The following CLNK variants were observed in gnomAD, a reference collection of about 807,000 sequenced individuals.
CLNK encodes cytokine dependent hematopoietic cell linker.
CLNK carries 74 observed loss-of-function variants against 68.6 expected under a neutral mutation model. That is an observed-to-expected ratio of 1.08 (90% CI 0.89 to 1.31). CLNK has a LOEUF of 1.31. CLNK is among the 50% of genes most tolerant of loss of function. CLNK has a pLI of 0.00. For missense variants in CLNK, 553 were observed against 515.3 expected, an observed-to-expected ratio of 1.07 and a Z score of -0.71; for synonymous variants, 198 against 172.2, an observed-to-expected ratio of 1.15 and a Z score of -1.17.
At chr4:10,544,628 G>A (rs1719157798) in intron 8 of CLNK, among the ~76,000 whole-genome samples, 1 of 152,192 alleles carries the variant, frequency 6.6e-6, no homozygotes, top group African/African-American at 2.4e-5. Flanking sequence ...GACAGCGAGG[G>A]AGCATGTCCT....
intron 7 of CLNK, 61 bp downstream of exon 7, chr4:10,564,610 T>G: frequency 8.2e-7 from 1 of 1,215,564 alleles, no homozygotes; most frequent in Admixed American, 1.8e-5. Context: ...ATGGGGCAGT[T>G]TCTAGCTGGT....
the CLNK span, among the ~76,000 whole-genome samples, chr4:10,732,154 C>A: frequency 6.6e-6 from 1 of 152,070 alleles, no homozygotes. Flanking sequence ...ATATTTATTA[C>A]CTTTGCTTTT....
At chr4:10,598,648 T>C (rs1050089472) in intron 2 of CLNK, 1 of 444,582 alleles carries the variant, frequency 2.2e-6, no homozygotes, top group African/African-American at 2.0e-5. Flanking sequence ...AGAGATTAAC[T>C]TATTTTTCAT....
the CLNK span, among the ~76,000 whole-genome samples, chr4:10,718,159 G>A: frequency 1.3e-5 from 2 of 152,164 alleles, no homozygotes; most frequent in Non-Finnish European, 2.9e-5. Flanking sequence ...CAATGAACTG[G>A]AAGTAGAACA....
At chr4:10,666,878 G>C in intron 2 of CLNK, among the ~76,000 whole-genome samples, 1 of 152,110 alleles carries the variant, frequency 6.6e-6, no homozygotes, top group East Asian at 1.9e-4. Context: ...GGCATCCATG[G>C]GTAGCTGAGA....
At chr4:10,646,633 C>T (rs1312087622) in intron 2 of CLNK, among the ~76,000 whole-genome samples, 4 of 152,020 alleles carry the variant, frequency 2.6e-5, no homozygotes, top group East Asian at 1.9e-4. Flanking sequence ...CAGAGTGCGA[C>T]GTCCCAGCCA....
chr4:10,619,757 A>G (rs570097573), intron 2 of CLNK, among the ~76,000 whole-genome samples: 104 of 152,374 alleles, frequency 6.8e-4, no homozygotes, highest in African/African-American at 2.2e-3. Flanking sequence ...TGTGATCCAC[A>G]CAGGCTCTCA....
chr4:10,565,665 G>A (rs987143286), intron 6 of CLNK, among the ~76,000 whole-genome samples: 12 of 151,748 alleles, frequency 7.9e-5, no homozygotes, highest in South Asian at 2.1e-4. Flanking sequence ...TCCACCCTCC[G>A]TTATGCTCAT....
intron 4 of CLNK, 94 bp downstream of exon 4, chr4:10,584,833 T>G (rs2108836856): frequency 7.6e-7 from 1 of 1,313,622 alleles, no homozygotes; most frequent in South Asian, 1.3e-5. Context: ...GGCCATAGTT[T>G]TATTGAAATA....
At chr4:10,714,016 A>G in the CLNK span, among the ~76,000 whole-genome samples, 364 of 152,326 alleles carry the variant, frequency 2.4e-3, 3 homozygotes, top group Non-Finnish European at 4.4e-3. Context: ...TCTTCCTGTC[A>G]TTCTCTCCTT....
intron 2 of CLNK, among the ~76,000 whole-genome samples, chr4:10,644,683 C>T (rs1257180930): frequency 3.9e-5 from 6 of 152,128 alleles, no homozygotes; most frequent in Non-Finnish European, 4.4e-5. Context: ...TAAAAAATAA[C>T]ATTAATGCAA....
At chr4:10,543,191 G>A (rs957608991) in intron 8 of CLNK, among the ~76,000 whole-genome samples, 1 of 152,172 alleles carries the variant, frequency 6.6e-6, no homozygotes, top group African/African-American at 2.4e-5. Flanking sequence ...TGATAAGGAT[G>A]TCAAGTAGAG....
At chr4:10,695,921 T>C in the CLNK span, among the ~76,000 whole-genome samples, 4 of 151,834 alleles carry the variant, frequency 2.6e-5, no homozygotes, top group Non-Finnish European at 4.4e-5. Flanking sequence ...ACTGGTGTGA[T>C]CTTTGCTCAC....
intron 18 of CLNK, among the ~76,000 whole-genome samples, chr4:10,495,553 C>G (rs1716767236): frequency 6.6e-6 from 1 of 152,136 alleles, no homozygotes; most frequent in South Asian, 2.1e-4. Flanking sequence ...GCAGTGGGTG[C>G]TAAATGATTC....
intron 17 of CLNK, among the ~76,000 whole-genome samples, chr4:10,507,735 G>A (rs192875148): frequency 0.013 from 2,038 of 152,094 alleles, 23 homozygotes; most frequent in South Asian, 0.029. Flanking sequence ...ACCTACCTCG[G>A]CCTCCCAAGG....
chr4:10,685,008 A>G (rs957647990), upstream of CLNK: 1 of 152,204 alleles, frequency 6.6e-6, no homozygotes, highest in East Asian at 1.9e-4. Flanking sequence ...GTGGCACTTC[A>G]TAGTTACCAG....
intron 8 of CLNK, among the ~76,000 whole-genome samples, chr4:10,550,763 A>C (rs1577123271): frequency 6.6e-6 from 1 of 152,148 alleles, no homozygotes; most frequent in Admixed American, 6.5e-5. Flanking sequence ...TAACCTCAGC[A>C]TACAATATTT....
At chr4:10,636,930 C>T (rs570580899) in intron 2 of CLNK, among the ~76,000 whole-genome samples, 68 of 152,266 alleles carry the variant, frequency 4.5e-4, no homozygotes, top group African/African-American at 1.6e-3. Flanking sequence ...ATCTGCCTCC[C>T]TCTCATTCTT....
At position 10,489,244 on chromosome 4, in the gene CLNK, A is replaced by G. The variant is rs1716464621; in HGVS notation, c.*1223T>C. Reference sequence around the variant, plus strand: ...CCTCTGTTTCCTCATCTTTATTGTAAAACAATAATAAAATTAAATCCTCTT... The same window carrying G: ...CCTCTGTTTCCTCATCTTTATTGTAGAACAATAATAAAATTAAATCCTCTT... On this transcript the variant is annotated 3_prime_UTR_variant, in exon 19 of 19. Transcript: ENST00000226951. 6.6e-6 allele frequency: 1 copy of G among 152,206 alleles called. No homozygotes were observed. Among genetic ancestry groups the G allele is most frequent in the Non-Finnish European group, 1.5e-5 (1 of 68,040 alleles). 9.4% of individuals were successfully genotyped at this position (152,206 alleles called of 1,614,324 possible). A position where few individuals can be genotyped will look rare whatever the true frequency, so the allele number is the denominator to read the frequency against.
Sources: gnomAD v4.1 joint callset for allele counts (sites outside exome capture counted in the v4.1 genomes callset) on GRCh38, gnomAD v4.1.1 for gene constraint, MANE v1.5 for transcripts, NCBI Gene and HGNC (gene_info 2026-07-23, HGNC 2026-07-21) for gene names.